NUP62: variants seen among roughly 807,000 people sequenced by gnomAD.
NUP62 encodes nucleoporin 62.
For missense variants in NUP62, 647 were observed against 689.4 expected (o/e 0.94, Z 0.69); for synonymous variants, 305 against 303.4 (o/e 1.01, Z -0.05).
At chr19:49,925,466 A>G (rs12984963) in intron 2 of NUP62, among the ~76,000 whole-genome samples, 24,456 of 143,188 alleles carry the variant, frequency 0.17, 2,563 homozygotes, top group Non-Finnish European at 0.24. Context: ...AAAAAAAAAT[A>G]GCATCCTACC....
intron 2 of NUP62, among the ~76,000 whole-genome samples, chr19:49,925,154 G>A (rs538498825): frequency 1.3e-5 from 2 of 152,054 alleles, no homozygotes; most frequent in East Asian, 1.9e-4. Context: ...CTAGCTACTC[G>A]GGAGGCTGAG....
chr19:49,908,961 T>C lies in NUP62; in HGVS notation c.847A>G (p.Ser283Gly), dbSNP rs139229674. The C allele has an allele frequency of 5.0e-6, 8 of 1,606,398 alleles. No homozygotes were observed. Among genetic ancestry groups the C allele is most frequent in the Non-Finnish European group, 6.0e-6 (7 of 1,175,506 alleles). ...TAATATATTT[S>G]SSSTTGFALN... ...GCAAAGCCGGTGGTGCTGCTGCTGC[T>C]GGTGGTGGTGGCGGTGGCGGTGGCA... Residue 283 changes from serine (S) to glycine (G), a missense_variant, in exon 3 of 3, where the codon AGC (serine) becomes GGC (glycine). Ser to Gly is a moderately conservative substitution (Grantham distance 56). Coordinates refer to ENST00000352066, the MANE Select transcript of NUP62 (RefSeq NM_016553.5).
At position 49,928,703 on chromosome 19, in the gene NUP62, T is replaced by C. The variant is rs578074948; in HGVS notation, c.-200+623A>G. The C allele has an allele frequency of 5.3e-5, 8 of 152,230 alleles. No individual in the cohort carries two copies. In the East Asian group the frequency reaches 1.5e-3, roughly 29 times the overall value. The allele number at this position is 152,230 out of a possible 1,614,324, so 9.4% of individuals were successfully genotyped here. ...CCGAGGCCATCCTGGCAGGTCTGTA[T>C]TTGGGAGAGTGCTGTGACTCATGCT... is the stretch of plus-strand genomic sequence containing the variant. On this transcript the variant is annotated intron_variant, in intron 1 of 2. Coordinates refer to ENST00000352066, the MANE Select transcript of NUP62 (RefSeq NM_016553.5).
At chr19:49,913,268 G>C (rs1391252829) in intron 2 of NUP62, 1 of 152,306 alleles carries the variant, frequency 6.6e-6, no homozygotes, top group Non-Finnish European at 1.5e-5. Context: ...TGGCAAGCCT[G>C]GGCTGTTCAA....
At position 49,909,125 on chromosome 19, in the gene NUP62, G is replaced by A; in HGVS notation, c.683C>T (p.Ala228Val). 1.2e-6 allele frequency: 2 copies of A among 1,612,346 alleles called. No homozygotes were observed. The highest frequency in any genetic ancestry group is 2.7e-5 in the African/African-American group (2 of 75,046). ...TCCAGTGGTGGCAGATGAGGTTGGA[G>A]CAGTTGCTATTGACGCAAAGAGGCT... is the stretch of plus-strand genomic sequence containing the variant. ...GPSLFASIAT[A>V]PTSSATTGLS... Residue 228 changes from alanine (A) to valine (V), a missense_variant, in exon 3 of 3, where the codon GCT becomes GTT. By Grantham distance (64) the Ala-to-Val change is moderately conservative. Coordinates refer to ENST00000352066, the MANE Select transcript of NUP62 (RefSeq NM_016553.5).
intron 2 of NUP62, among the ~76,000 whole-genome samples, chr19:49,912,191 C>T (rs1214543842): frequency 2.8e-4 from 30 of 108,880 alleles, no homozygotes; most frequent in Admixed American, 1.5e-3. Context: ...TTTTTTGAGA[C>T]GGGAGTCTCG....
intron 2 of NUP62, among the ~76,000 whole-genome samples, chr19:49,923,616 C>T (rs1414495446): frequency 6.6e-6 from 1 of 152,266 alleles, no homozygotes; most frequent in Non-Finnish European, 1.5e-5. Context: ...CACACCAGGC[C>T]CCAGAGCAGG....
intron 2 of NUP62, among the ~76,000 whole-genome samples, chr19:49,926,372 A>G (rs1264412980): frequency 6.6e-6 from 1 of 152,158 alleles, no homozygotes; most frequent in African/African-American, 2.4e-5. Context: ...TCTACTAAAA[A>G]TACAAAAATT....
rs1262815879 is a variant in NUP62 at position 49,907,322 on chromosome 19, G to A, written c.*917C>T. On this transcript the variant is annotated 3_prime_UTR_variant, in exon 3 of 3. Transcript: ENST00000352066. ...GAGGTGAGGCCCAAGGTGGGGGTGA[G>A]CCTGGGCCAGGCAAAAGGCAGGCCT... 2 of 322,958 alleles carry A rather than the reference G, an allele frequency of 6.2e-6. No homozygotes were observed. Among genetic ancestry groups the A allele is most frequent in the East Asian group, 1.1e-4 (1 of 9,446 alleles). 20.0% of individuals were successfully genotyped at this position (322,958 alleles called of 1,614,324 possible).
intron 2 of NUP62, among the ~76,000 whole-genome samples, chr19:49,911,911 CCGTT>C (rs1375880531): frequency 6.6e-6 from 1 of 152,222 alleles, no homozygotes; most frequent in East Asian, 1.9e-4. Context: ...TCCATTCCTC[CCGTT>C]GTGGGACAGA....
chr19:49,910,357 G>A (rs777014852), intron 2 of NUP62, among the ~76,000 whole-genome samples: 1 of 152,012 alleles, frequency 6.6e-6, no homozygotes, highest in African/African-American at 2.4e-5. Context: ...AGATGGGGCC[G>A]GGAACCCAGG....
chr19:49,927,022 A>C (rs184008), intron 2 of NUP62, among the ~76,000 whole-genome samples: 90 of 152,120 alleles, frequency 5.9e-4, no homozygotes, highest in African/African-American at 2.1e-3. Context: ...ACCACACCCG[A>C]CTATTTTTTT....
In NUP62 at chr19:49,909,653, G is replaced by A; in HGVS notation, c.155C>T (p.Thr52Ile). The A allele has an allele frequency of 6.2e-7, 1 of 1,614,218 alleles. No homozygotes were observed. The highest frequency in any genetic ancestry group is 1.1e-5 in the South Asian group (1 of 91,092). The change falls in exon 3 of 3, where the codon ACA becomes ATA. Residue 52 changes from threonine (T) to isoleucine (I), a missense_variant. Coordinates refer to ENST00000352066, the MANE Select transcript of NUP62 (RefSeq NM_016553.5). ...GAACAGGCCGGTGGAAGGGGTACTT[G>A]TGGCTGGTTGGAAGGGAGCCCCAAA... is the stretch of plus-strand genomic sequence containing the variant. ...FNFGAPFQPA[T>I]STPSTGLFSL... is the part of the protein sequence containing the mutation.
chr19:49,927,860 G>C (rs1199334348), intron 1 of NUP62, 45 bp from the exon 2 acceptor site: 1 of 152,302 alleles, frequency 6.6e-6, no homozygotes, highest in Non-Finnish European at 1.5e-5. Flanking sequence ...TGGTGGAGGA[G>C]GGCCCAGTGC....
chr19:49,908,550 T>G lies in NUP62; in HGVS notation c.1258A>C (p.Thr420Pro), dbSNP rs375741773. 15 of 1,614,068 alleles carry G rather than the reference T, an allele frequency of 9.3e-6. No homozygotes were observed. The highest frequency in any genetic ancestry group is 1.7e-5 in the Admixed American group (1 of 59,996). Residue 420 changes from threonine (T) to proline (P), a missense_variant, in exon 3 of 3, where the codon ACC becomes CCC. By Grantham distance (38) the Thr-to-Pro change is conservative. Transcript: ENST00000352066. The part of the protein sequence containing the change: ...LEELVKEQSG[T>P]IYLQHADEER... ...TCATCCGCGTGCTGCAGGTAGATGGTCCCGCTCTGCTCCTTGACCAACTCC... is the reference window on the plus strand; with the variant it reads ...TCATCCGCGTGCTGCAGGTAGATGGGCCCGCTCTGCTCCTTGACCAACTCC...
intron 2 of NUP62, among the ~76,000 whole-genome samples, chr19:49,923,338 C>T (rs2075809218): frequency 6.6e-6 from 1 of 152,228 alleles, no homozygotes; most frequent in South Asian, 2.1e-4. Context: ...ATCACATTCG[C>T]TGGCCTCTGT....
chr19:49,916,376 C>T (rs866235721), intron 2 of NUP62, among the ~76,000 whole-genome samples: 16 of 142,198 alleles, frequency 1.1e-4, no homozygotes, highest in South Asian at 6.6e-4. Flanking sequence ...TTTTTTGAGA[C>T]GGAGTCTCGC....
chr19:49,907,308 CA>C lies in NUP62; in HGVS notation c.*930del. ...AAGGCTTCCTGGAGGAGGTGAGGCC[CA>C]AGGTGGGGGTGAGCCTGGGCCAGGC... On this transcript the variant is annotated 3_prime_UTR_variant, in exon 3 of 3. Coordinates refer to ENST00000352066, the MANE Select transcript of NUP62 (RefSeq NM_016553.5). 6.5e-6 allele frequency: 2 copies of C among 308,120 alleles called. No homozygotes were observed. Among genetic ancestry groups the C allele is most frequent in the East Asian group, 1.2e-4 (1 of 8,574 alleles). 19.1% of individuals were successfully genotyped at this position (308,120 alleles called of 1,614,324 possible).
At chr19:49,927,856 A>C (rs2075941539) in intron 1 of NUP62, 41 bp from the exon 2 acceptor site, 1 of 152,280 alleles carries the variant, frequency 6.6e-6, no homozygotes, top group Admixed American at 6.5e-5. Flanking sequence ...CGGCTGGTGG[A>C]GGAGGGCCCA....
Sources: allele counts gnomAD v4.1 joint callset (sites outside exome capture counted in the v4.1 genomes callset), GRCh38; gene constraint gnomAD v4.1.1; transcripts MANE v1.5; gene names NCBI Gene and HGNC (gene_info 2026-07-23, HGNC 2026-07-21).